The following SMOC1 variants were observed in gnomAD, a reference collection of about 807,000 sequenced individuals.
SMOC1 encodes SPARC related modular calcium binding 1, also known as SPARC-related modular calcium-binding protein 1.
Under a neutral mutation model 56.3 loss-of-function variants are expected in SMOC1, and 22 were observed. The ratio of observed to expected loss-of-function variants is 0.39; its 90% CI spans 0.28 to 0.56. The LOEUF (loss-of-function observed/expected upper bound fraction) is 0.56. Ranked by LOEUF, SMOC1 falls within the 20% of genes least tolerant of loss-of-function variation. SMOC1 has a pLI of 0.61. For missense variants in SMOC1, 509 were observed against 565.4 expected (o/e 0.90, Z 1.01); for synonymous variants, 193 against 215.0 (o/e 0.90, Z 0.89).
In SMOC1 at chr14:69,914,211, A is replaced by C. The variant is rs201550001; in HGVS notation, c.99+34434A>C. ...TAAAGTTTGAGAACCACTGCTATAA[A>C]TTAGGGGTCTGTAAACTTTTTCTGG... On this transcript the variant is annotated intron_variant, in intron 1 of 11. Transcript: ENST00000361956. 3.9e-5 allele frequency among the ~76,000 whole-genome samples: 6 copies of C among 152,302 alleles called. No individual in the cohort carries two copies. In the East Asian group the frequency reaches 1.2e-3, roughly 29 times the overall value.
intron 3 of SMOC1, among the ~76,000 whole-genome samples, chr14:69,956,132 G>T (rs532137069): frequency 3.3e-5 from 5 of 152,206 alleles, no homozygotes; most frequent in African/African-American, 1.2e-4. Context: ...ATTGCTAAAC[G>T]AGAGAGTCCC....
At chr14:69,900,695 C>G (rs1257218923) in intron 1 of SMOC1, among the ~76,000 whole-genome samples, 2 of 152,192 alleles carry the variant, frequency 1.3e-5, no homozygotes, top group African/African-American at 4.8e-5. Flanking sequence ...GTCAAGAAAA[C>G]AAACATGTTC....
In SMOC1 at chr14:69,952,073, A is replaced by G. The variant is rs1883017137; in HGVS notation, c.100-65A>G. On this transcript the variant is annotated intron_variant, in intron 1 of 11. Coordinates refer to ENST00000361956, the MANE Select transcript of SMOC1 (RefSeq NM_001034852.3). ...TAAAGGCAAACAAGTACTGTAAGTC[A>G]TGGACTCGCCCCTACTTTTCTTGCA... is the stretch of plus-strand genomic sequence containing the variant. The G allele has an allele frequency of 3.2e-6, 5 of 1,568,508 alleles. No homozygotes were observed. In the South Asian group the frequency reaches 5.6e-5, roughly 17 times the overall value.
chr14:69,942,154 C>T (rs564467019), intron 1 of SMOC1, among the ~76,000 whole-genome samples: 1 of 152,076 alleles, frequency 6.6e-6, no homozygotes, highest in South Asian at 2.1e-4. Flanking sequence ...GCTTTGCTTC[C>T]TGGTTTCAAA....
rs74060661 is a variant in SMOC1, at chr14:69,977,831, A to G, written c.479-87A>G. The G allele has an allele frequency of 3.8e-3, 3,835 of 1,004,248 alleles. 98 individuals are homozygous for G. In the African/African-American group the frequency reaches 0.052, roughly 14 times the overall value. The allele number at this position is 1,004,248 out of a possible 1,614,324, so 62.2% of individuals were successfully genotyped here. ...TACATATATACATGACCATATGCTC[A>G]TAACATCAGGTTTTGCCAACTCTTA... On this transcript the variant is annotated intron_variant, in intron 4 of 11. Coordinates refer to ENST00000361956, the MANE Select transcript of SMOC1 (RefSeq NM_001034852.3).
chr14:69,908,217 T>C (rs918341789), intron 1 of SMOC1, among the ~76,000 whole-genome samples: 1 of 152,024 alleles, frequency 6.6e-6, no homozygotes, highest in African/African-American at 2.4e-5. Flanking sequence ...GAAAAAAGAG[T>C]ACACACCAAA....
At chr14:70,027,432 G>A (rs750044991) in intron 11 of SMOC1, among the ~76,000 whole-genome samples, 44 of 152,110 alleles carry the variant, frequency 2.9e-4, no homozygotes, top group Non-Finnish European at 5.7e-4. Context: ...GGCAGCGTGG[G>A]CAGGAGTAGA....
intron 1 of SMOC1, among the ~76,000 whole-genome samples, chr14:69,919,435 T>TA (rs1389816985): frequency 6.6e-6 from 1 of 152,206 alleles, no homozygotes; most frequent in African/African-American, 2.4e-5. Context: ...CTTCTGTACT[T>TA]AAAAAATAAT....
chr14:69,922,942 T>G (rs369466632), intron 1 of SMOC1, among the ~76,000 whole-genome samples: 1 of 145,658 alleles, frequency 6.9e-6, no homozygotes, highest in African/African-American at 2.7e-5. Flanking sequence ...CTTTTTTTTG[T>G]TTTTTTTGTT....
intron 1 of SMOC1, among the ~76,000 whole-genome samples, chr14:69,920,448 G>A (rs79979536): frequency 0.01 from 1,583 of 152,282 alleles, 19 homozygotes; most frequent in African/African-American, 0.036. Context: ...CTAGGACGTA[G>A]AATCATAATT....
chr14:69,925,640 G>C (rs564712490), intron 1 of SMOC1, among the ~76,000 whole-genome samples: 1 of 152,106 alleles, frequency 6.6e-6, no homozygotes, highest in Admixed American at 6.5e-5. Flanking sequence ...CTCCGTCTCC[G>C]GCACTAAGAA....
rs148914219 is a variant in SMOC1 at position 69,951,964 on chromosome 14, G to A, written c.100-174G>A. ...ATTATTGTTCTTATGATGCATAGAG[G>A]ATGCCTTCCTTGGTTAGACTTTGTG... On this transcript the variant is annotated intron_variant, in intron 1 of 11. Transcript: ENST00000361956. Among the ~76,000 whole-genome samples the A allele has an allele frequency of 7.9e-5, 12 of 152,304 alleles. No individual in the cohort carries two copies. In the East Asian group the frequency reaches 2.3e-3, roughly 29 times the overall value.
intron 3 of SMOC1, among the ~76,000 whole-genome samples, chr14:69,970,650 G>A (rs188967443): frequency 1.2e-4 from 19 of 152,132 alleles, no homozygotes; most frequent in Non-Finnish European, 2.5e-4. Flanking sequence ...TGGCACCTGC[G>A]GGTGATAGTT....
intron 1 of SMOC1, among the ~76,000 whole-genome samples, chr14:69,929,238 C>A (rs1323172687): frequency 2.6e-5 from 4 of 152,326 alleles, no homozygotes; most frequent in African/African-American, 9.6e-5. Flanking sequence ...CCATTCCCTA[C>A]TCCATCTGCC....
At position 69,981,057 on chromosome 14, in the gene SMOC1, A is replaced by C. The variant is rs887247322; in HGVS notation, c.526+3092A>C. Reference sequence around the variant, plus strand: ...AGGAATTAGTTCTCTGAAGGAGAGGAGGAGAAAGGCAGAGCAGAAGGAGGC... The same window carrying C: ...AGGAATTAGTTCTCTGAAGGAGAGGCGGAGAAAGGCAGAGCAGAAGGAGGC... On this transcript the variant is annotated intron_variant, in intron 5 of 11. Transcript: ENST00000361956. Among the ~76,000 whole-genome samples the C allele has an allele frequency of 1.1e-4, 17 of 151,146 alleles. 1 individual carries two copies. The highest frequency in any genetic ancestry group is 2.1e-4 in the Non-Finnish European group (14 of 67,398).
chr14:69,888,687 T>C (rs1313985024), intron 1 of SMOC1, among the ~76,000 whole-genome samples: 1 of 152,212 alleles, frequency 6.6e-6, no homozygotes, highest in Non-Finnish European at 1.5e-5. Context: ...TTTTTTCTTT[T>C]AAAGTATTGA....
intron 10 of SMOC1, among the ~76,000 whole-genome samples, chr14:70,016,185 C>T (rs1413295014): frequency 6.6e-6 from 1 of 152,174 alleles, no homozygotes; most frequent in African/African-American, 2.4e-5. Context: ...GTGCCTTATC[C>T]TCAAATGACA....
chr14:70,002,529 C>T (rs1190285912), intron 7 of SMOC1, among the ~76,000 whole-genome samples: 1 of 152,160 alleles, frequency 6.6e-6, no homozygotes. Flanking sequence ...TCTGTGGGCT[C>T]TCCCCCTCAT....
chr14:69,957,501 C>G (rs927413), intron 3 of SMOC1, among the ~76,000 whole-genome samples: 75,015 of 151,996 alleles, frequency 0.49, 19,789 homozygotes, highest in African/African-American at 0.68. Context: ...GCCTAATATC[C>G]AAGGCTGTGC....
Sources: allele counts gnomAD v4.1 joint callset (sites outside exome capture counted in the v4.1 genomes callset), GRCh38; gene constraint gnomAD v4.1.1; transcripts MANE v1.5; gene names NCBI Gene and HGNC (gene_info 2026-07-23, HGNC 2026-07-21).